The following MIPOL1 variants were observed in gnomAD, a reference collection of about 807,000 sequenced individuals.
MIPOL1 encodes the protein mirror-image polydactyly 1.
MIPOL1 carries 57 observed loss-of-function variants against 60.9 expected under a neutral mutation model. That is an observed-to-expected ratio of 0.94 (90% CI 0.76 to 1.17). MIPOL1 has a LOEUF of 1.17. Ranked by LOEUF, MIPOL1 falls within the 50% of genes most tolerant of loss-of-function variation. MIPOL1 has a pLI of 0.00. For synonymous variants in MIPOL1, 179 were observed against 168.8 expected, an observed-to-expected ratio of 1.06 and a Z score of -0.47; for missense variants, 551 against 511.6, an observed-to-expected ratio of 1.08 and a Z score of -0.74.
intron 7 of MIPOL1, among the ~76,000 whole-genome samples, chr14:37,307,008 T>A (rs1234258551): frequency 6.6e-6 from 1 of 151,866 alleles, no homozygotes; most frequent in Non-Finnish European, 1.5e-5. Context: ...ATATTTTTTC[T>A]GTTAAAATAC....
chr14:37,485,265 C>G (rs2094929982), intron 11 of MIPOL1, among the ~76,000 whole-genome samples: 1 of 152,156 alleles, frequency 6.6e-6, no homozygotes, highest in Non-Finnish European at 1.5e-5. Flanking sequence ...CAAGTCTTTG[C>G]TATTGTGAAC....
intron 10 of MIPOL1, among the ~76,000 whole-genome samples, chr14:37,415,560 C>T (rs34718937): frequency 0.23 from 34,036 of 146,788 alleles, 4,370 homozygotes; most frequent in South Asian, 0.36. Flanking sequence ...ACCTGGGAGG[C>T]GGAGCTTGCA....
intron 11 of MIPOL1, among the ~76,000 whole-genome samples, chr14:37,445,289 G>A (rs1232626609): frequency 6.6e-6 from 1 of 151,726 alleles, no homozygotes; most frequent in Non-Finnish European, 1.5e-5. Context: ...ATAACAGACA[G>A]AGAACCAAAT....
At chr14:37,458,650 C>T (rs1214321615) in intron 11 of MIPOL1, among the ~76,000 whole-genome samples, 1 of 151,572 alleles carries the variant, frequency 6.6e-6, no homozygotes, top group Admixed American at 6.6e-5. Context: ...GAAACCCCGT[C>T]TCTACTAAAA....
chr14:37,395,228 C>T (rs906745308), intron 10 of MIPOL1, among the ~76,000 whole-genome samples: 3 of 151,850 alleles, frequency 2.0e-5, no homozygotes, highest in East Asian at 1.9e-4. Flanking sequence ...CTTGGCTATG[C>T]GTGCTCTTTT....
chr14:37,245,778 T>C (rs1430690428), intron 1 of MIPOL1, among the ~76,000 whole-genome samples: 2 of 152,148 alleles, frequency 1.3e-5, no homozygotes, highest in African/African-American at 4.8e-5. Context: ...TGATACTGTT[T>C]GGGTTTAAGG....
chr14:37,218,599 A>T (rs939503016), intron 1 of MIPOL1, among the ~76,000 whole-genome samples: 10 of 152,014 alleles, frequency 6.6e-5, no homozygotes, highest in African/African-American at 2.4e-4. Context: ...CCATTGTTGG[A>T]TGGGGTTTTT....
At chr14:37,391,451 C>A (rs6571810) in intron 10 of MIPOL1, among the ~76,000 whole-genome samples, 150,271 of 151,292 alleles carry the variant, frequency 0.99, 74,636 homozygotes, top group Middle Eastern at 1. Context: ...GCTGGAGTGC[C>A]GTGGCGTGAT....
Position 37,215,699 on chromosome 14 carries a change from T to C in MIPOL1, c.-199+17595T>C, listed in dbSNP as rs934319420. The stretch of plus-strand genomic sequence containing the variant: ...AGTCAGAAGACATAGCATGGCTGAA[T>C]TGATGAAAAAACAAGACCTGTTAAT... On this transcript the variant is annotated intron_variant, in intron 1 of 12. Coordinates refer to ENST00000684589, the MANE Select transcript of MIPOL1 (RefSeq NM_001388067.1). Among the ~76,000 whole-genome samples the C allele has an allele frequency of 1.7e-4, 26 of 152,130 alleles. 1 individual carries two copies. Among genetic ancestry groups the C allele is most frequent in the African/African-American group, 5.3e-4 (22 of 41,428 alleles).
chr14:37,463,766 A>G (rs989842228), intron 11 of MIPOL1, among the ~76,000 whole-genome samples: 4 of 152,230 alleles, frequency 2.6e-5, no homozygotes, highest in African/African-American at 9.6e-5. Context: ...ATGGGACTCA[A>G]TTAAACTAAA....
At chr14:37,502,967 A>C (rs1000776290) in intron 12 of MIPOL1, 1 of 152,206 alleles carries the variant, frequency 6.6e-6, no homozygotes, top group South Asian at 2.1e-4. Flanking sequence ...GGAGAACTTC[A>C]TGATGCATGC....
intron 12 of MIPOL1, among the ~76,000 whole-genome samples, chr14:37,511,276 T>G (rs921472885): frequency 2.0e-5 from 3 of 152,324 alleles, no homozygotes; most frequent in African/African-American, 7.2e-5. Flanking sequence ...GCCTAATCTT[T>G]TATCAGTGGA....
chr14:37,476,895 C>CT (rs869027204), intron 11 of MIPOL1, among the ~76,000 whole-genome samples: 1,787 of 87,324 alleles, frequency 0.02, 45 homozygotes, highest in Non-Finnish European at 0.024. Flanking sequence ...CTTGTAATGT[C>CT]TTTTTTTTTT....
At chr14:37,459,640 G>A (rs898878793) in intron 11 of MIPOL1, among the ~76,000 whole-genome samples, 1 of 152,200 alleles carries the variant, frequency 6.6e-6, no homozygotes, top group Non-Finnish European at 1.5e-5. Context: ...AAAAATTGAA[G>A]AGGAGGGATT....
At chr14:37,247,929 A>C (rs753303908) in intron 3 of MIPOL1, 22 bp downstream of exon 3, 1 of 1,611,534 alleles carries the variant, frequency 6.2e-7, no homozygotes, top group East Asian at 2.2e-5. Flanking sequence ...TAAGGTATTA[A>C]TACCAAGCCC....
In MIPOL1 at chr14:37,477,252, A is replaced by G. The variant is rs975586882; in HGVS notation, c.1032-22656A>G. ...ATACTAGCCTCATTAATTGAATTAG[A>G]TGGCGTTTCCTCTGCTTGTATTTTT... On this transcript the variant is annotated intron_variant, in intron 11 of 12. Coordinates refer to ENST00000684589, the MANE Select transcript of MIPOL1 (RefSeq NM_001388067.1). 2.6e-5 allele frequency among the ~76,000 whole-genome samples: 4 copies of G among 151,770 alleles called. No individual in the cohort carries two copies. In the East Asian group the frequency reaches 7.8e-4, roughly 30 times the overall value.
intron 10 of MIPOL1, among the ~76,000 whole-genome samples, chr14:37,381,204 CA>C (rs527760344): frequency 1.2e-4 from 19 of 152,046 alleles, no homozygotes; most frequent in Non-Finnish European, 1.9e-4. Context: ...CTGCCCACAT[CA>C]ATAGTAGGTA....
chr14:37,496,447 G>T lies in MIPOL1; in HGVS notation c.1032-3461G>T, dbSNP rs564055333. Among the ~76,000 whole-genome samples, 308 of 147,680 alleles carry T rather than the reference G, an allele frequency of 2.1e-3. 1 individual carries two copies. Among genetic ancestry groups the T allele is most frequent in the African/African-American group, 7.5e-3 (299 of 39,772 alleles). ...CTCCTTAAGCTGATAAGCAACTTCA[G>T]CAAAGTCTCAGGATACAAAATCAAT... On this transcript the variant is annotated intron_variant, in intron 11 of 12. Transcript: ENST00000684589.
chr14:37,249,062 T>C (rs1224042934), intron 3 of MIPOL1, among the ~76,000 whole-genome samples: 1 of 151,774 alleles, frequency 6.6e-6, no homozygotes. Context: ...GCAGCAGACA[T>C]AAGGGAGGGG....
Sources: allele counts gnomAD v4.1 joint callset (sites outside exome capture counted in the v4.1 genomes callset), GRCh38; gene constraint gnomAD v4.1.1; transcripts MANE v1.5; gene names NCBI Gene and HGNC (gene_info 2026-07-23, HGNC 2026-07-21).